Variants in KDM2A observed in about 807,000 individuals in gnomAD.
The protein encoded by KDM2A is lysine-specific demethylase 2A.
Under a neutral mutation model 137.3 loss-of-function variants are expected in KDM2A, and 3 were observed. The observed-to-expected ratio is 0.02, with a 90% CI of 0.01 to 0.06. KDM2A has a LOEUF of 0.06. KDM2A is among the 10% of genes least tolerant of loss of function. The pLI, the probability that KDM2A is intolerant of heterozygous loss-of-function variation, is 1.00. For synonymous variants in KDM2A, 512 were observed against 541.5 expected (o/e 0.95, Z 0.76); for missense variants, 738 against 1,510.6 (o/e 0.49, Z 8.48).
At position 67,183,023 on chromosome 11, in the gene KDM2A, G is replaced by C. The variant is rs575391141; in HGVS notation, c.307+1131G>C. On this transcript the variant is annotated intron_variant, in intron 5 of 20. Transcript: ENST00000529006. ...ACTTGTGGGTCCTTGTTAGACTACC[G>C]ACTCTTCTGTTCATCTAAAACGTGA... Among the ~76,000 whole-genome samples, 28 of 152,262 alleles carry C rather than the reference G, an allele frequency of 1.8e-4. No individual in the cohort carries two copies. In the East Asian group the frequency reaches 5.2e-3, roughly 28 times the overall value.
At chr11:67,200,682 G>A (rs1857598132) in intron 5 of KDM2A, among the ~76,000 whole-genome samples, 1 of 151,572 alleles carries the variant, frequency 6.6e-6, no homozygotes, top group Non-Finnish European at 1.5e-5. Flanking sequence ...TAATTTTTGT[G>A]TTTTGGTAGA....
intron 2 of KDM2A, among the ~76,000 whole-genome samples, chr11:67,135,919 A>G (rs891246979): frequency 1.3e-5 from 2 of 152,220 alleles, no homozygotes; most frequent in Admixed American, 6.5e-5. Flanking sequence ...ACTGAAGTCT[A>G]GATTCTAGAT....
intron 2 of KDM2A, among the ~76,000 whole-genome samples, chr11:67,170,447 C>G (rs186148321): frequency 0.01 from 1,207 of 119,212 alleles, 10 homozygotes; most frequent in Middle Eastern, 0.018. Context: ...GAGTCTCGCT[C>G]TGTCGCCCAG....
Position 67,254,757 on chromosome 11 carries a change from T to C in KDM2A, c.3308-117T>C, listed in dbSNP as rs1466778978. ...ACTTCTGGTCTCTGAGCCAGGTAGTTGTGGGACAAAGAGGGCTTTTGTTTA... is the reference window on the plus strand; with the variant it reads ...ACTTCTGGTCTCTGAGCCAGGTAGTCGTGGGACAAAGAGGGCTTTTGTTTA... On this transcript the variant is annotated intron_variant, in intron 20 of 20. Coordinates refer to ENST00000529006, the MANE Select transcript of KDM2A (RefSeq NM_012308.3). The surrounding 1 kb of genome is among the most constrained non-coding windows in gnomAD (Gnocchi z 4.7). 6 of 942,674 alleles carry C rather than the reference T, an allele frequency of 6.4e-6. No individual in the cohort carries two copies. Among genetic ancestry groups the C allele is most frequent in the Non-Finnish European group, 6.4e-6 (4 of 624,796 alleles). 58.4% of individuals were successfully genotyped at this position (942,674 alleles called of 1,614,324 possible). A position where few individuals can be genotyped will look rare whatever the true frequency, so the allele number is the denominator to read the frequency against.
rs755090126 is a variant in KDM2A at position 67,231,793 on chromosome 11, G to C, written c.1312G>C (p.Val438Leu). 1.2e-6 allele frequency: 2 copies of C among 1,614,050 alleles called. No homozygotes were observed. Among genetic ancestry groups the C allele is most frequent in the Non-Finnish European group, 8.5e-7 (1 of 1,179,892 alleles). Residue 438 changes from valine (V) to leucine (L), a missense_variant, in exon 12 of 21, where the codon GTG (valine) becomes CTG (leucine). By Grantham distance (32) the Val-to-Leu change is conservative (BLOSUM62 1). Transcript: ENST00000529006. Reference sequence around the variant, plus strand: ...TAGCCGGGGCTCCCACAATGGACAAGTGTGGGATCCCCAGTGTGCTCCCCG... The same window carrying C: ...TAGCCGGGGCTCCCACAATGGACAACTGTGGGATCCCCAGTGTGCTCCCCG... ...DCSRGSHNGQ[V>L]WDPQCAPRKD...
At chr11:67,190,121 AAGTG>A (rs1405366509) in intron 5 of KDM2A, among the ~76,000 whole-genome samples, 2 of 152,194 alleles carry the variant, frequency 1.3e-5, no homozygotes, top group Non-Finnish European at 2.9e-5. Context: ...TCAGAAGTGA[AAGTG>A]AGGGCCGAGC....
intron 5 of KDM2A, among the ~76,000 whole-genome samples, chr11:67,202,135 T>G (rs1333516189): frequency 1.3e-5 from 2 of 152,078 alleles, no homozygotes; most frequent in South Asian, 2.1e-4. Context: ...GAGCTAGAAT[T>G]AGAAATGGAG....
At chr11:67,141,682 A>AAAAT (rs1555080599) in intron 2 of KDM2A, among the ~76,000 whole-genome samples, 27 of 119,326 alleles carry the variant, frequency 2.3e-4, no homozygotes, top group Admixed American at 8.4e-4. Context: ...AAAAAAAAAA[A>AAAAT]ATATATATAT....
chr11:67,193,408 A>G (rs944469982), intron 5 of KDM2A, among the ~76,000 whole-genome samples: 2 of 152,238 alleles, frequency 1.3e-5, no homozygotes, highest in African/African-American at 2.4e-5. Context: ...TGGGCCATCT[A>G]TTTAAATTTT....
intron 2 of KDM2A, among the ~76,000 whole-genome samples, chr11:67,173,319 T>C (rs1856915390): frequency 6.6e-6 from 1 of 152,196 alleles, no homozygotes; most frequent in Non-Finnish European, 1.5e-5. Context: ...ACGGGGTTTC[T>C]CCGTGTTGAT....
chr11:67,244,867 T>G (rs1299925764), intron 13 of KDM2A, among the ~76,000 whole-genome samples: 1 of 151,790 alleles, frequency 6.6e-6, no homozygotes, highest in Non-Finnish European at 1.5e-5. Context: ...GCACCTGTAG[T>G]CCCAGCTACT....
intron 2 of KDM2A, among the ~76,000 whole-genome samples, chr11:67,137,378 GATTA>G (rs1162887730): frequency 6.6e-6 from 1 of 152,132 alleles, no homozygotes; most frequent in African/African-American, 2.4e-5. Context: ...GATTTAGGGA[GATTA>G]ATTAGGAGGC....
chr11:67,257,170 C>T lies in KDM2A; in HGVS notation c.*2115C>T, dbSNP rs1413051772. ...AGCAGGGATTGTGCCGGGAGAGTGC[C>T]TCTGACTTTGGGACATTTCATCCAC... On this transcript the variant is annotated 3_prime_UTR_variant, in exon 21 of 21. Coordinates refer to ENST00000529006, the MANE Select transcript of KDM2A (RefSeq NM_012308.3). 1 of 152,226 alleles carries T rather than the reference C, an allele frequency of 6.6e-6. No homozygotes were observed. Among genetic ancestry groups the T allele is most frequent in the Non-Finnish European group, 1.5e-5 (1 of 68,026 alleles). 9.4% of individuals were successfully genotyped at this position (152,226 alleles called of 1,614,324 possible). A position where few individuals can be genotyped will look rare whatever the true frequency, so the allele number is the denominator to read the frequency against.
chr11:67,175,901 T>G (rs1852215386), intron 2 of KDM2A, among the ~76,000 whole-genome samples: 1 of 152,220 alleles, frequency 6.6e-6, no homozygotes, highest in African/African-American at 2.4e-5. Context: ...CTTTTCTAGT[T>G]CTTCAGAGAC....
chr11:67,138,190 T>C (rs1856011548), intron 2 of KDM2A, among the ~76,000 whole-genome samples: 1 of 152,174 alleles, frequency 6.6e-6, no homozygotes, highest in African/African-American at 2.4e-5. Context: ...CGTGAGTCTC[T>C]TTTTACCTAG....
At chr11:67,214,157 C>T (rs1858082231) in intron 6 of KDM2A, among the ~76,000 whole-genome samples, 1 of 152,026 alleles carries the variant, frequency 6.6e-6, no homozygotes, top group South Asian at 2.1e-4. Context: ...TCTCCTGCCT[C>T]AGCCTCCCAA....
intron 10 of KDM2A, among the ~76,000 whole-genome samples, chr11:67,224,640 A>G (rs1410354737): frequency 2.0e-5 from 3 of 149,664 alleles, no homozygotes; most frequent in Non-Finnish European, 3.0e-5. Context: ...GCCAATTTTT[A>G]TATTTTTAGT....
At chr11:67,126,929 A>G (rs921990126) in intron 2 of KDM2A, among the ~76,000 whole-genome samples, 1 of 151,846 alleles carries the variant, frequency 6.6e-6, no homozygotes, top group Non-Finnish European at 1.5e-5. Context: ...GTAAGACTTA[A>G]TTTTTTTTAG....
chr11:67,217,793 A>G lies in KDM2A; in HGVS notation c.750A>G (p.Ser250=), dbSNP rs376276572. 1 of 1,613,614 alleles carries G rather than the reference A, an allele frequency of 6.2e-7. No homozygotes were observed. Among genetic ancestry groups the G allele is most frequent in the Non-Finnish European group, 8.5e-7 (1 of 1,179,774 alleles). ...NLELYENWLL[S]GKQGDIFLGD... is the part of the protein sequence containing the mutation. ...AGCTGTACGAGAATTGGCTGCTGTC[A>G]GGGAAACAGGGAGACATCTTTCTGG... The change falls in exon 9 of 21, where the codon TCA becomes TCG. Residue 250 remains serine (S), a synonymous_variant. Coordinates refer to ENST00000529006, the MANE Select transcript of KDM2A (RefSeq NM_012308.3).
Sources: allele counts gnomAD v4.1 joint callset (sites outside exome capture counted in the v4.1 genomes callset), GRCh38; gene constraint gnomAD v4.1.1; non-coding constraint Gnocchi (gnomAD v3.1); transcripts MANE v1.5; gene names NCBI Gene and HGNC (gene_info 2026-07-23, HGNC 2026-07-21).